The following GSAP variants were observed in gnomAD, a reference collection of about 807,000 sequenced individuals.
GSAP encodes the protein gamma-secretase-activating protein.
GSAP carries 118 observed loss-of-function variants against 131.7 expected under a neutral mutation model. That is an observed-to-expected ratio of 0.90 (90% CI 0.77 to 1.04). GSAP has a LOEUF of 1.04. GSAP is among the 50% of genes least tolerant of loss of function. The pLI is 0.00. For synonymous variants in GSAP, 381 were observed against 363.4 expected (o/e 1.05, Z -0.55); for missense variants, 1,019 against 1,013.2 (o/e 1.01, Z -0.08).
chr7:77,341,817 G>T (rs1463988479), intron 19 of GSAP, among the ~76,000 whole-genome samples: 3 of 152,186 alleles, frequency 2.0e-5, no homozygotes, highest in Admixed American at 6.5e-5. Flanking sequence ...ATAGAGTAGA[G>T]GCAGCCAAGT....
In GSAP at chr7:77,311,856, CTA is replaced by C. The variant is rs768149021; in HGVS notation, c.2456_2457del (p.Ile819ArgfsTer11). The C allele has an allele frequency of 2.0e-6, 3 of 1,533,678 alleles. No homozygotes were observed. The highest frequency in any genetic ancestry group is 2.3e-5 in the East Asian group (1 of 44,444). ...AGTAAATTACCTTGATTGGAGGACT[CTA>C]TATCTGTCAGAATTTCAATGAAGTA... ...LNYFIEILTD[I>X]ESSNQALYPF... On this transcript the variant is annotated frameshift_variant, in exon 30 of 31. Transcript: ENST00000257626. LOFTEE classifies it high-confidence loss of function.
At chr7:77,404,449 T>C in intron 3 of GSAP, 110 bp downstream of exon 3, 1 of 696,412 alleles carries the variant, frequency 1.4e-6, no homozygotes, top group South Asian at 1.7e-5. Flanking sequence ...TCAAATAAAA[T>C]GTTTACAGAA....
At chr7:77,338,922 C>A (rs139413436) in intron 19 of GSAP, among the ~76,000 whole-genome samples, 1 of 152,170 alleles carries the variant, frequency 6.6e-6, no homozygotes, top group Non-Finnish European at 1.5e-5. Flanking sequence ...TTCCCACACA[C>A]ACACCCCCGC....
intron 5 of GSAP, among the ~76,000 whole-genome samples, chr7:77,389,133 A>T (rs1034448797): frequency 1.3e-5 from 2 of 152,112 alleles, no homozygotes; most frequent in African/African-American, 2.4e-5. Flanking sequence ...GTGGGGGGGA[A>T]AATGAATTTT....
rs762482202 is a variant in GSAP at position 77,311,858 on chromosome 7, A to G, written c.2456T>C (p.Ile819Thr). The change falls in exon 30 of 31, where the codon ATA becomes ACA. Residue 819 changes from isoleucine (I) to threonine (T), a missense_variant. Ile to Thr is a moderately conservative substitution (Grantham distance 89). Coordinates refer to ENST00000257626, the MANE Select transcript of GSAP (RefSeq NM_017439.4). ...LNYFIEILTDIESSNQALYPF... is the reference protein window; with the variant it reads ...LNYFIEILTDTESSNQALYPF... ...TAAATTACCTTGATTGGAGGACTCT[A>G]TATCTGTCAGAATTTCAATGAAGTA... 33 of 1,542,076 alleles carry G rather than the reference A, an allele frequency of 2.1e-5. No individual in the cohort carries two copies. Among genetic ancestry groups the G allele is most frequent in the South Asian group, 6.7e-5 (6 of 89,630 alleles).
chr7:77,322,582 GTT>G (rs61272117), intron 24 of GSAP, among the ~76,000 whole-genome samples: 483 of 125,120 alleles, frequency 3.9e-3, no homozygotes, highest in African/African-American at 0.011. Context: ...TGTGTTGTGA[GTT>G]TTTTTTTTTT....
Position 77,377,308 on chromosome 7 carries a change from C to A in GSAP, c.659G>T (p.Arg220Ile). The A allele has an allele frequency of 6.6e-7, 1 of 1,509,190 alleles. No individual in the cohort carries two copies. Among genetic ancestry groups the A allele is most frequent in the African/African-American group, 1.5e-5 (1 of 67,466 alleles). The allele number at this position is 1,509,190 out of a possible 1,614,324, so 93.5% of individuals were successfully genotyped here. Residue 220 changes from arginine (R) to isoleucine (I), a missense_variant, in exon 9 of 31, where the codon AGA (arginine) becomes ATA (isoleucine). Arg to Ile is a moderately conservative substitution (Grantham distance 97, BLOSUM62 -3). Transcript: ENST00000257626. ...TACCTTCAGGTCAATGTAATATAATCTCTGTTCTGACATATCCCACTGAGC... is the reference window on the plus strand; with the variant it reads ...TACCTTCAGGTCAATGTAATATAATATCTGTTCTGACATATCCCACTGAGC... The part of the protein sequence containing the change: ...VWAQWDMSEQ[R>I]LYYIDLKKSR...
intron 8 of GSAP, among the ~76,000 whole-genome samples, chr7:77,377,975 T>C (rs543553768): frequency 1.3e-5 from 2 of 152,306 alleles, no homozygotes; most frequent in African/African-American, 4.8e-5. Flanking sequence ...TTACACATTG[T>C]GTTCTACACA....
intron 19 of GSAP, among the ~76,000 whole-genome samples, chr7:77,341,471 G>T (rs943362903): frequency 1.3e-5 from 2 of 152,120 alleles, no homozygotes; most frequent in East Asian, 1.9e-4. Flanking sequence ...AGCCCTTCCC[G>T]ACCTGCCCAA....
At chr7:77,387,885 G>C (rs1256366801) in intron 5 of GSAP, among the ~76,000 whole-genome samples, 1 of 152,186 alleles carries the variant, frequency 6.6e-6, no homozygotes, top group Non-Finnish European at 1.5e-5. Flanking sequence ...AACACAAGTG[G>C]CTTCTGAATT....
chr7:77,405,551 T>C (rs556786496), intron 2 of GSAP, among the ~76,000 whole-genome samples: 60 of 152,270 alleles, frequency 3.9e-4, no homozygotes, highest in Admixed American at 2.7e-3. Context: ...TTTTTTTTTC[T>C]TTTTGAGACA....
At chr7:77,344,859 T>C (rs1791554617) in intron 19 of GSAP, among the ~76,000 whole-genome samples, 1 of 152,208 alleles carries the variant, frequency 6.6e-6, no homozygotes, top group Non-Finnish European at 1.5e-5. Flanking sequence ...TTCTAATCCT[T>C]CTTTAACAAA....
At chr7:77,313,643 G>T (rs1480284392) in intron 27 of GSAP, 94 bp from the exon 28 acceptor site, 2 of 629,998 alleles carry the variant, frequency 3.2e-6, no homozygotes, top group Admixed American at 5.4e-5. Context: ...ATCTTGATAG[G>T]ACATATCCCA....
At chr7:77,348,067 G>A (rs2150815383) in intron 19 of GSAP, among the ~76,000 whole-genome samples, 1 of 152,076 alleles carries the variant, frequency 6.6e-6, no homozygotes, top group South Asian at 2.1e-4. Context: ...CACTCAGGAG[G>A]CTGAGACGGG....
Position 77,397,044 on chromosome 7 carries a change from A to G in GSAP, c.314-9T>C. ...CTGAACTAAACTTGCAGCTAATGGA[A>G]AAAGAAAAAAAATCCATTAGCAATT... On this transcript the variant is annotated splice_polypyrimidine_tract_variant and intron_variant, in intron 4 of 30. Transcript: ENST00000257626. The G allele has an allele frequency of 6.3e-7, 1 of 1,575,814 alleles. No homozygotes were observed. Among genetic ancestry groups the G allele is most frequent in the Non-Finnish European group, 8.7e-7 (1 of 1,151,362 alleles).
At chr7:77,401,601 G>C (rs1801326114) in intron 3 of GSAP, among the ~76,000 whole-genome samples, 1 of 152,150 alleles carries the variant, frequency 6.6e-6, no homozygotes, top group African/African-American at 2.4e-5. Context: ...GTTAAAAAAA[G>C]TTCTTGAAAG....
At chr7:77,340,254 C>CT (rs1312943337) in intron 19 of GSAP, among the ~76,000 whole-genome samples, 2 of 152,180 alleles carry the variant, frequency 1.3e-5, no homozygotes, top group South Asian at 2.1e-4. Context: ...TCCCACCCCT[C>CT]TATCTCCTTT....
chr7:77,346,671 T>C (rs999827615), intron 19 of GSAP, among the ~76,000 whole-genome samples: 2 of 149,734 alleles, frequency 1.3e-5, no homozygotes, highest in Middle Eastern at 3.5e-3. Context: ...GACTATGTCA[T>C]TGCACTCCAG....
At chr7:77,357,182 C>T (rs895054325) in intron 14 of GSAP, among the ~76,000 whole-genome samples, 1 of 152,034 alleles carries the variant, frequency 6.6e-6, no homozygotes, top group African/African-American at 2.4e-5. Flanking sequence ...AGGGAGATTC[C>T]TATTTGGCAT....
Sources: allele counts gnomAD v4.1 joint callset (sites outside exome capture counted in the v4.1 genomes callset), GRCh38; gene constraint gnomAD v4.1.1; transcripts MANE v1.5; gene names NCBI Gene and HGNC (gene_info 2026-07-23, HGNC 2026-07-21).